The following UBASH3A variants were observed in gnomAD, a reference collection of about 807,000 sequenced individuals.
UBASH3A encodes the protein ubiquitin-associated and SH3 domain-containing protein A.
Under a neutral mutation model 73.5 loss-of-function variants are expected in UBASH3A, and 63 were observed. That is an observed-to-expected ratio of 0.86 (90% CI 0.70 to 1.06). UBASH3A has a LOEUF of 1.06. Among genes scored for constraint, UBASH3A ranks in the 50% least tolerant of loss-of-function variants. The pLI is 0.00. For synonymous variants in UBASH3A, 363 were observed against 351.1 expected, an observed-to-expected ratio of 1.03 and a Z score of -0.38; for missense variants, 860 against 859.0, an observed-to-expected ratio of 1.00 and a Z score of -0.02.
rs369315735 is a variant in UBASH3A at position 42,443,364 on chromosome 21, A to G, written c.1684A>G (p.Met562Val). The change falls in exon 13 of 15, where the codon ATG (methionine) becomes GTG (valine). Residue 562 changes from methionine to valine, a missense_variant. Physicochemically the swap from Met to Val is conservative, Grantham distance 21. Coordinates refer to ENST00000319294, the MANE Select transcript of UBASH3A (RefSeq NM_018961.4). ...LMPAESYQEY[M>V]DRCTASMVQI... ...GCCGGCCGAGAGCTACCAGGAGTACATGGACAGGTGCACGGCGAGCATGGT... is the reference window on the plus strand; with the variant it reads ...GCCGGCCGAGAGCTACCAGGAGTACGTGGACAGGTGCACGGCGAGCATGGT... 145 of 1,613,328 alleles carry G rather than the reference A, an allele frequency of 9.0e-5. No homozygotes were observed. The highest frequency in any genetic ancestry group is 1.2e-4 in the Non-Finnish European group (140 of 1,179,676).
Position 42,424,451 on chromosome 21 carries a change from T to C in UBASH3A, c.1047-2246T>C, listed in dbSNP as rs143329047. On this transcript the variant is annotated intron_variant, in intron 7 of 14. Coordinates refer to ENST00000319294, the MANE Select transcript of UBASH3A (RefSeq NM_018961.4). ...TAATGTTTGTCCATTGCTTTGAAGA[T>C]CAGAGATGGCCTGGAGAGACTGGTG... is the stretch of plus-strand genomic sequence containing the variant. 4.3e-4 allele frequency among the ~76,000 whole-genome samples: 65 copies of C among 152,290 alleles called. 1 individual carries two copies. The highest frequency in any genetic ancestry group is 6.8e-3 in the Middle Eastern group (2 of 294).
At chr21:42,428,090 C>T (rs1404737745) in intron 8 of UBASH3A, among the ~76,000 whole-genome samples, 2 of 152,208 alleles carry the variant, frequency 1.3e-5, no homozygotes, top group African/African-American at 2.4e-5. Flanking sequence ...AGAGGGATGG[C>T]CCTGTGAGGA....
intron 2 of UBASH3A, among the ~76,000 whole-genome samples, chr21:42,408,459 C>T (rs893758538): frequency 1.3e-5 from 2 of 152,134 alleles, no homozygotes; most frequent in Non-Finnish European, 2.9e-5. Context: ...GCTCTTTCCT[C>T]GGGAGAAATT....
At chr21:42,407,589 T>G (rs77441639) in intron 2 of UBASH3A, among the ~76,000 whole-genome samples, 281 of 151,766 alleles carry the variant, frequency 1.9e-3, no homozygotes, top group African/African-American at 6.7e-3. Flanking sequence ...ACCAGGGAGG[T>G]GGTGCAAATT....
chr21:42,437,988 C>A (rs557553947), intron 11 of UBASH3A, among the ~76,000 whole-genome samples: 1 of 152,330 alleles, frequency 6.6e-6, no homozygotes, highest in South Asian at 2.1e-4. Context: ...AGCTGTCCAG[C>A]GTCCTCAAGG....
At chr21:42,434,620 G>T (rs1031939351) in intron 9 of UBASH3A, among the ~76,000 whole-genome samples, 1 of 152,220 alleles carries the variant, frequency 6.6e-6, no homozygotes, top group African/African-American at 2.4e-5. Context: ...AACCTAAGTT[G>T]TCTGCATTTG....
chr21:42,436,363 G>C (rs1352723097), intron 10 of UBASH3A, among the ~76,000 whole-genome samples: 4 of 152,186 alleles, frequency 2.6e-5, no homozygotes. Context: ...ACTGATTCCA[G>C]ACTCCCAGTG....
chr21:42,416,316 C>T, intron 5 of UBASH3A, 126 bp from the exon 6 acceptor site: 2 of 986,732 alleles, frequency 2.0e-6, no homozygotes, highest in East Asian at 3.2e-5. Flanking sequence ...GATGTGAGTT[C>T]TGAGCGGGCC....
At chr21:42,429,094 G>A (rs2053487631) in intron 8 of UBASH3A, among the ~76,000 whole-genome samples, 1 of 152,214 alleles carries the variant, frequency 6.6e-6, no homozygotes, top group South Asian at 2.1e-4. Flanking sequence ...AGCAGCAGAG[G>A]AGGCCATGCA....
intron 3 of UBASH3A, chr21:42,410,095 C>T (rs553190771): frequency 1.4e-6 from 1 of 702,418 alleles, no homozygotes; most frequent in Admixed American, 2.0e-5. Flanking sequence ...CCCACAAATG[C>T]AGAACTTTTC....
In UBASH3A at chr21:42,442,482, G is replaced by T. The variant is rs769521672; in HGVS notation, c.1517G>T (p.Arg506Leu). 1.9e-6 allele frequency: 3 copies of T among 1,614,076 alleles called. No individual in the cohort carries two copies. The highest frequency in any genetic ancestry group is 2.5e-6 in the Non-Finnish European group (3 of 1,179,996). Residue 506 changes from arginine (R) to leucine (L), a missense_variant, in exon 12 of 15, where the codon CGA (arginine) becomes CTA (leucine). Coordinates refer to ENST00000319294, the MANE Select transcript of UBASH3A (RefSeq NM_018961.4). ...AAACTGGAGAAAAAAATCAAGATAC[G>T]AGTGGAACCTGGAATCTTTGAATGG... ...ELKLEKKIKI[R>L]VEPGIFEWTK...
intron 8 of UBASH3A, among the ~76,000 whole-genome samples, chr21:42,427,187 T>C (rs1408751826): frequency 6.6e-6 from 1 of 152,118 alleles, no homozygotes; most frequent in Non-Finnish European, 1.5e-5. Context: ...CTCCATAACC[T>C]GGGGGTCAGC....
At chr21:42,405,983 TG>T (rs71190422) in intron 1 of UBASH3A, among the ~76,000 whole-genome samples, 16,904 of 59,734 alleles carry the variant, frequency 0.28, 1,464 homozygotes, top group Middle Eastern at 0.37. Flanking sequence ...ATCTAGGCAG[TG>T]GGGGGGGGGG....
rs1015664337 is a variant in UBASH3A at position 42,443,432 on chromosome 21, C to T, written c.1738+14C>T. 2 of 1,590,382 alleles carry T rather than the reference C, an allele frequency of 1.3e-6. No individual in the cohort carries two copies. The highest frequency in any genetic ancestry group is 1.3e-5 in the African/African-American group (1 of 74,170). On this transcript the variant is annotated intron_variant, in intron 13 of 14. Transcript: ENST00000319294. ...GTCCACAGGACAGTAAGTGCCTCAC[C>T]ATCCTCAGTATGAACAGCCCCTGGG...
At chr21:42,412,689 C>A (rs1054234297) in intron 3 of UBASH3A, among the ~76,000 whole-genome samples, 9 of 152,144 alleles carry the variant, frequency 5.9e-5, no homozygotes, top group Admixed American at 4.6e-4. Flanking sequence ...CTGAGCAAAG[C>A]AGTGTGCCAT....
intron 7 of UBASH3A, among the ~76,000 whole-genome samples, chr21:42,422,048 T>G (rs1290486435): frequency 1.3e-5 from 2 of 152,198 alleles, no homozygotes; most frequent in African/African-American, 4.8e-5. Context: ...GAGATTTGTA[T>G]AACAAGCCAG....
In UBASH3A at chr21:42,413,032, C is replaced by T. The variant is rs143623863; in HGVS notation, c.363C>T (p.Asp121=). 8.1e-6 allele frequency: 13 copies of T among 1,614,078 alleles called. No individual in the cohort carries two copies. Among genetic ancestry groups the T allele is most frequent in the Middle Eastern group, 1.7e-4 (1 of 6,060 alleles). ...TGTCTCTGTCCCCTTAGTGTGAAGA[C>T]CAGAAGGTGGAATGCCTGTACGAGG... is the stretch of plus-strand genomic sequence containing the variant. ...VTLCDFFTCE[D]QKVECLYEAL... Residue 121 remains aspartate (D), a synonymous_variant, in exon 4 of 15, where the codon GAC becomes GAT. Transcript: ENST00000319294. This position sits in a 1 kb window ranked among gnomAD's most constrained non-coding sequence, Gnocchi z 4.5.
At chr21:42,425,686 T>C (rs1411781969) in intron 7 of UBASH3A, among the ~76,000 whole-genome samples, 1 of 151,622 alleles carries the variant, frequency 6.6e-6, no homozygotes, top group Non-Finnish European at 1.5e-5. Flanking sequence ...GAGAAGATCA[T>C]GTGTAACGCA....
intron 10 of UBASH3A, among the ~76,000 whole-genome samples, chr21:42,435,806 GAGTT>G (rs1189224843): frequency 6.6e-6 from 1 of 151,890 alleles, no homozygotes; most frequent in Non-Finnish European, 1.5e-5. Context: ...TAGAGTTATA[GAGTT>G]AGTTATAGAG....
Sources: gnomAD v4.1 joint callset for allele counts (sites outside exome capture counted in the v4.1 genomes callset) on GRCh38, gnomAD v4.1.1 for gene constraint, Gnocchi (gnomAD v3.1) non-coding constraint, MANE v1.5 for transcripts, NCBI Gene and HGNC (gene_info 2026-07-23, HGNC 2026-07-21) for gene names.